TRPM7: variants seen among roughly 807,000 people sequenced by gnomAD.
TRPM7 encodes the protein transient receptor potential cation channel subfamily M member 7.
Under a neutral mutation model 229.7 loss-of-function variants are expected in TRPM7, and 134 were observed. The ratio of observed to expected loss-of-function variants is 0.58; its 90% CI spans 0.51 to 0.67. TRPM7 has a LOEUF of 0.67. Among genes scored for constraint, TRPM7 ranks in the 30% least tolerant of loss-of-function variants. The pLI, the probability that TRPM7 is intolerant of heterozygous loss-of-function variation, is 0.00. For missense variants in TRPM7, 1,901 were observed against 2,210.0 expected (o/e 0.86, Z 2.80); for synonymous variants, 699 against 715.2 (o/e 0.98, Z 0.36).
chr15:50,668,871 A>C (rs2061936090), intron 1 of TRPM7, among the ~76,000 whole-genome samples: 1 of 152,130 alleles, frequency 6.6e-6, no homozygotes, highest in Admixed American at 6.6e-5. Context: ...ACACAATTGG[A>C]GAAACTGGTT....
chr15:50,570,359 A>G (rs985400318), intron 36 of TRPM7, among the ~76,000 whole-genome samples: 17 of 152,178 alleles, frequency 1.1e-4, no homozygotes, highest in Admixed American at 5.2e-4. Flanking sequence ...AGGGAGAGGC[A>G]TATCTCCTTG....
intron 3 of TRPM7, among the ~76,000 whole-genome samples, chr15:50,654,845 C>CA (rs2061514104): frequency 6.8e-6 from 1 of 146,040 alleles, no homozygotes; most frequent in African/African-American, 2.5e-5. Flanking sequence ...AAAAAAACCA[C>CA]AAAAAACTAC....
Position 50,648,871 on chromosome 15 carries a change from C to A in TRPM7, c.137G>T (p.Arg46Leu). 6.2e-7 allele frequency: 1 copy of A among 1,604,234 alleles called. No homozygotes were observed. Among genetic ancestry groups the A allele is most frequent in the South Asian group, 1.1e-5 (1 of 89,164 alleles). ...AAAACAAGCATGTTGCTTGACCAAGCGACCACAAAAACACCTAAAAGAAAA... is the reference window on the plus strand; with the variant it reads ...AAAACAAGCATGTTGCTTGACCAAGAGACCACAAAAACACCTAAAAGAAAA... ...CQQLVRCFCG[R>L]LVKQHACFTA... The change falls in exon 4 of 39, where the codon CGC becomes CTC. Residue 46 changes from arginine to leucine, a missense_variant. Arg to Leu is a moderately radical substitution (Grantham distance 102). Transcript: ENST00000646667.
At position 50,674,127 on chromosome 15, in the gene TRPM7, A is replaced by G. The variant is rs142060209; in HGVS notation, c.4-11081T>C. Among the ~76,000 whole-genome samples the G allele has an allele frequency of 3.9e-5, 6 of 152,210 alleles. No individual in the cohort carries two copies. The East Asian group carries it at 1.2e-3, about 29-fold the overall frequency. The stretch of plus-strand genomic sequence containing the variant: ...TCTCAGCCTCTGGAGTAGCTGAGAT[A>G]ACAGGTACCTGCCACCACGCCCAGC... On this transcript the variant is annotated intron_variant, in intron 1 of 38. Transcript: ENST00000646667.
At chr15:50,584,535 A>C (rs1172917485) in intron 28 of TRPM7, among the ~76,000 whole-genome samples, 1 of 151,790 alleles carries the variant, frequency 6.6e-6, no homozygotes, top group African/African-American at 2.4e-5. Flanking sequence ...AAATATGAGG[A>C]TGCTGCAATA....
chr15:50,686,641 C>G lies in TRPM7; in HGVS notation c.-108G>C. 6.7e-7 allele frequency: 1 copy of G among 1,490,176 alleles called. No individual in the cohort carries two copies. The highest frequency in any genetic ancestry group is 9.0e-7 in the Non-Finnish European group (1 of 1,107,202). The allele number at this position is 1,490,176 out of a possible 1,614,324, so 92.3% of individuals were successfully genotyped here. A position where few individuals can be genotyped will look rare whatever the true frequency, so the allele number is the denominator to read the frequency against. On this transcript the variant is annotated 5_prime_UTR_variant, in exon 1 of 39. Transcript: ENST00000646667. ...CTCCGGAGGCGGCAGCAGAGGCCGCCGGACAAGGAACGCCCAGGGAAACCT... is the reference window on the plus strand; with the variant it reads ...CTCCGGAGGCGGCAGCAGAGGCCGCGGGACAAGGAACGCCCAGGGAAACCT...
chr15:50,663,405 C>T (rs2061785846), intron 1 of TRPM7, among the ~76,000 whole-genome samples: 1 of 152,158 alleles, frequency 6.6e-6, no homozygotes, highest in Admixed American at 6.6e-5. Flanking sequence ...GGATTACAGG[C>T]GTGAGCCACC....
chr15:50,681,592 T>C (rs1038808516), intron 1 of TRPM7, among the ~76,000 whole-genome samples: 1 of 152,186 alleles, frequency 6.6e-6, no homozygotes, highest in South Asian at 2.1e-4. Context: ...AAACTAAGCC[T>C]GTTAAATTTC....
At chr15:50,660,624 T>A (rs1596326068) in intron 2 of TRPM7, among the ~76,000 whole-genome samples, 1 of 152,310 alleles carries the variant, frequency 6.6e-6, no homozygotes, top group East Asian at 1.9e-4. Flanking sequence ...GTGCTGGAAT[T>A]ACAGGCATGA....
In TRPM7 at chr15:50,643,591, T is replaced by C. The variant is rs764759099; in HGVS notation, c.322-38A>G. On this transcript the variant is annotated intron_variant, in intron 4 of 38. Coordinates refer to ENST00000646667, the MANE Select transcript of TRPM7 (RefSeq NM_017672.6). ...TTTAAAAGGAGAAAATAATTGAACA[T>C]GTTCACAGGTTTCATAATGTGACAT... 35 of 1,554,144 alleles carry C rather than the reference T, an allele frequency of 2.3e-5. 1 individual carries two copies. In the East Asian group the frequency reaches 7.2e-4, roughly 32 times the overall value.
At position 50,578,671 on chromosome 15, in the gene TRPM7, A is replaced by G. The variant is rs760480444; in HGVS notation, c.4593-7T>C. The stretch of plus-strand genomic sequence containing the variant: ...TGTTCCTTCTTCAGATGGCCTAAAG[A>G]AACACCAAAAAATATAGTATAAGCT... On this transcript the variant is annotated splice_polypyrimidine_tract_variant and splice_region_variant and intron_variant, in intron 30 of 38. Transcript: ENST00000646667. The G allele has an allele frequency of 1.2e-6, 2 of 1,605,972 alleles. No individual in the cohort carries two copies. The highest frequency in any genetic ancestry group is 3.3e-5 in the Admixed American group (2 of 59,868).
chr15:50,594,709 T>G, intron 23 of TRPM7, 96 bp from the exon 24 acceptor site: 4 of 845,642 alleles, frequency 4.7e-6, no homozygotes, highest in Non-Finnish European at 6.8e-6. Context: ...TACTAAATAA[T>G]AATTCAAAAA....
Position 50,589,975 on chromosome 15 carries a change from A to G in TRPM7, c.4325-319T>C, listed in dbSNP as rs1016242986. ...CGGGTTCAAGCAATTCTCCTGCCTC[A>G]GCCTCCTGAGTAGCTGGGACTACAG... On this transcript the variant is annotated intron_variant, in intron 26 of 38. Coordinates refer to ENST00000646667, the MANE Select transcript of TRPM7 (RefSeq NM_017672.6). 8.5e-5 allele frequency among the ~76,000 whole-genome samples: 13 copies of G among 152,184 alleles called. No individual in the cohort carries two copies. In the East Asian group the frequency reaches 1.9e-3, roughly 23 times the overall value.
intron 1 of TRPM7, among the ~76,000 whole-genome samples, chr15:50,671,836 C>T (rs183375513): frequency 2.6e-5 from 4 of 152,130 alleles, no homozygotes; most frequent in East Asian, 1.9e-4. Context: ...CTACTAACAT[C>T]GCAGCCATCA....
intron 1 of TRPM7, among the ~76,000 whole-genome samples, chr15:50,685,952 C>T (rs1264894653): frequency 6.6e-6 from 1 of 152,164 alleles, no homozygotes; most frequent in African/African-American, 2.4e-5. Flanking sequence ...AAAGATCTAC[C>T]ATCAATATTG....
rs886072413 is a variant in TRPM7, at chr15:50,618,516, G to A, written c.1494+1229C>T. On this transcript the variant is annotated intron_variant, in intron 13 of 38. Transcript: ENST00000646667. ...ACCTGGGAGGTGGAGCTTGCAGTGA[G>A]CCAAGATCACGCCACTGCACTCCAG... Among the ~76,000 whole-genome samples the A allele has an allele frequency of 4.6e-5, 7 of 151,878 alleles. No homozygotes were observed. The South Asian group carries it at 1.5e-3, about 32-fold the overall frequency.
intron 23 of TRPM7, among the ~76,000 whole-genome samples, chr15:50,595,064 G>A (rs1046677322): frequency 1.3e-5 from 2 of 152,006 alleles, no homozygotes; most frequent in African/African-American, 4.8e-5. Context: ...TTAGCCAGGC[G>A]TGATGGTGTA....
At chr15:50,567,554 C>G (rs1479379692) in intron 38 of TRPM7, among the ~76,000 whole-genome samples, 1 of 152,068 alleles carries the variant, frequency 6.6e-6, no homozygotes, top group Non-Finnish European at 1.5e-5. Context: ...TTCATGAACA[C>G]AGATGCAAAA....
intron 22 of TRPM7, among the ~76,000 whole-genome samples, chr15:50,596,908 G>A (rs1339988191): frequency 2.0e-5 from 3 of 152,120 alleles, no homozygotes; most frequent in Non-Finnish European, 2.9e-5. Flanking sequence ...GCGCCACCAT[G>A]CCCAGCTAAT....
Sources: gnomAD v4.1 joint callset for allele counts (sites outside exome capture counted in the v4.1 genomes callset) on GRCh38, gnomAD v4.1.1 for gene constraint, MANE v1.5 for transcripts, NCBI Gene and HGNC (gene_info 2026-07-23, HGNC 2026-07-21) for gene names.